Variants in KCNN2 observed in about 807,000 individuals in gnomAD.
KCNN2 encodes potassium calcium-activated channel subfamily N member 2, also known as small conductance calcium-activated potassium channel protein 2.
Under a neutral mutation model 55.5 loss-of-function variants are expected in KCNN2, and 24 were observed. That is an observed-to-expected ratio of 0.43 (90% CI 0.31 to 0.61). KCNN2 has a LOEUF of 0.61. Ranked by LOEUF, KCNN2 falls within the 20% of genes least tolerant of loss-of-function variation. KCNN2 has a pLI of 0.08. For synonymous variants in KCNN2, 431 were observed against 336.1 expected, an observed-to-expected ratio of 1.28 and a Z score of -3.09; for missense variants, 754 against 853.6, an observed-to-expected ratio of 0.88 and a Z score of 1.45.
At chr5:114,385,905 G>A (rs1178265416) in intron 2 of KCNN2, among the ~76,000 whole-genome samples, 1 of 151,708 alleles carries the variant, frequency 6.6e-6, no homozygotes, top group East Asian at 1.9e-4. Flanking sequence ...AAGGCCGGGC[G>A]CAGTGGTTCA....
At chr5:114,466,491 A>G (rs549247675) in intron 4 of KCNN2, among the ~76,000 whole-genome samples, 1 of 152,148 alleles carries the variant, frequency 6.6e-6, no homozygotes, top group South Asian at 2.1e-4. Context: ...ATATATATAT[A>G]TAAAACACAT....
chr5:114,142,923 A>G (rs1484644466), intron 1 of KCNN2, among the ~76,000 whole-genome samples: 1 of 152,198 alleles, frequency 6.6e-6, no homozygotes, highest in African/African-American at 2.4e-5. Context: ...TCCTAAGCCA[A>G]AAGAACAAAG....
At chr5:114,178,240 A>G (rs540060929) in intron 1 of KCNN2, among the ~76,000 whole-genome samples, 67 of 152,316 alleles carry the variant, frequency 4.4e-4, no homozygotes, top group African/African-American at 1.1e-3. Flanking sequence ...AGCTTTTCCC[A>G]TAACTTAAAA....
intron 1 of KCNN2, among the ~76,000 whole-genome samples, chr5:114,095,733 G>A (rs1014605148): frequency 6.6e-6 from 1 of 152,024 alleles, no homozygotes. Flanking sequence ...CTTTTAGCTC[G>A]TCTTTCCTAG....
intron 1 of KCNN2, among the ~76,000 whole-genome samples, chr5:114,200,159 TAGTCCCAG>T (rs1484338646): frequency 9.9e-5 from 15 of 152,186 alleles, no homozygotes; most frequent in Non-Finnish European, 1.6e-4. Context: ...TCACTTTATG[TAGTCCCAG>T]ATGTCACAAA....
chr5:114,224,623 C>G (rs1378522302), intron 2 of KCNN2, among the ~76,000 whole-genome samples: 1 of 152,198 alleles, frequency 6.6e-6, no homozygotes, highest in East Asian at 1.9e-4. Context: ...GGAGTGATCT[C>G]TGGAGAGCTC....
chr5:114,150,591 A>G (rs1752501251), intron 1 of KCNN2, among the ~76,000 whole-genome samples: 1 of 152,172 alleles, frequency 6.6e-6, no homozygotes, highest in Non-Finnish European at 1.5e-5. Flanking sequence ...CAGGGGTCCT[A>G]TATCTGGCCA....
At chr5:114,074,237 G>C (rs1750635821) in intron 1 of KCNN2, among the ~76,000 whole-genome samples, 1 of 151,208 alleles carries the variant, frequency 6.6e-6, no homozygotes, top group Non-Finnish European at 1.5e-5. Flanking sequence ...TATCTCTCTT[G>C]TTACCCATCA....
chr5:114,169,583 G>A (rs1323059829), intron 1 of KCNN2, among the ~76,000 whole-genome samples: 6 of 152,082 alleles, frequency 3.9e-5, no homozygotes, highest in East Asian at 3.9e-4. Flanking sequence ...GGAAGAATGC[G>A]ACAGAGCCGT....
intron 1 of KCNN2, among the ~76,000 whole-genome samples, chr5:114,211,099 T>C (rs1488260814): frequency 1.3e-5 from 2 of 152,162 alleles, no homozygotes; most frequent in Admixed American, 6.5e-5. Flanking sequence ...TGGACACTTA[T>C]TCACTGTTGG....
chr5:114,413,718 G>A (rs141028421), intron 3 of KCNN2, among the ~76,000 whole-genome samples: 35 of 152,268 alleles, frequency 2.3e-4, no homozygotes, highest in South Asian at 1.7e-3. Flanking sequence ...TTAAATTCAC[G>A]TAGAAAAAAC....
intron 1 of KCNN2, among the ~76,000 whole-genome samples, chr5:114,122,069 A>G (rs1425841493): frequency 4.6e-5 from 7 of 152,248 alleles, no homozygotes; most frequent in Non-Finnish European, 8.8e-5. Context: ...AGGCATTGTC[A>G]GTAAAGCACA....
chr5:114,425,324 A>G (rs1408307977), intron 3 of KCNN2, among the ~76,000 whole-genome samples: 2 of 152,176 alleles, frequency 1.3e-5, no homozygotes. Context: ...AGGGTCCCAC[A>G]TTGCTAATTC....
intron 3 of KCNN2, among the ~76,000 whole-genome samples, chr5:114,417,913 C>G (rs180677235): frequency 1.1e-4 from 16 of 152,298 alleles, no homozygotes; most frequent in Non-Finnish European, 2.1e-4. Context: ...CCTTTAATAT[C>G]TGGGTCAGAT....
chr5:114,496,205 A>G lies in KCNN2; in HGVS notation c.*23A>G. On this transcript the variant is annotated 3_prime_UTR_variant, in exon 8 of 8. Transcript: ENST00000673685. ...TAGAAGAGAATAAGTTAACCACAAA[A>G]TAAGACTTTTTGCCATCATATGGTC... is the stretch of plus-strand genomic sequence containing the variant. 6.2e-7 allele frequency: 1 copy of G among 1,608,576 alleles called. No individual in the cohort carries two copies. Among genetic ancestry groups the G allele is most frequent in the Non-Finnish European group, 8.5e-7 (1 of 1,176,632 alleles).
At chr5:114,449,750 T>A (rs545650634) in intron 3 of KCNN2, among the ~76,000 whole-genome samples, 2 of 152,158 alleles carry the variant, frequency 1.3e-5, no homozygotes, top group African/African-American at 4.8e-5. Flanking sequence ...ATTTTTTTTT[T>A]CCTTACAGAT....
chr5:114,250,267 T>C (rs1267061014), intron 2 of KCNN2, among the ~76,000 whole-genome samples: 1 of 152,178 alleles, frequency 6.6e-6, no homozygotes, highest in East Asian at 1.9e-4. Flanking sequence ...ATCCCCAAAG[T>C]CAGCATGATT....
At chr5:114,075,304 A>C (rs1277241116) in intron 1 of KCNN2, among the ~76,000 whole-genome samples, 2 of 152,222 alleles carry the variant, frequency 1.3e-5, no homozygotes, top group Non-Finnish European at 2.9e-5. Flanking sequence ...AATAATACAA[A>C]AGATGCAGAA....
At chr5:114,435,701 C>T (rs1421287616) in intron 3 of KCNN2, among the ~76,000 whole-genome samples, 3 of 151,828 alleles carry the variant, frequency 2.0e-5, no homozygotes, top group East Asian at 3.9e-4. Flanking sequence ...TTAAGTTATA[C>T]ATTTTACATT....
Sources: allele counts gnomAD v4.1 joint callset (sites outside exome capture counted in the v4.1 genomes callset), GRCh38; gene constraint gnomAD v4.1.1; transcripts MANE v1.5; gene names NCBI Gene and HGNC (gene_info 2026-07-23, HGNC 2026-07-21).